The following ATP10A variants were observed in gnomAD, a reference collection of about 807,000 sequenced individuals.
ATP10A encodes the protein ATPase phospholipid transporting 10A (putative), also known as phospholipid-transporting ATPase VA.
ATP10A carries 111 observed loss-of-function variants against 147.8 expected under a neutral mutation model. The observed-to-expected ratio is 0.75, with a 90% confidence interval of 0.64 to 0.88. The LOEUF is 0.88. Among genes scored for constraint, ATP10A ranks in the 40% least tolerant of loss-of-function variants. The pLI is 0.00. For synonymous variants in ATP10A, 875 were observed against 841.6 expected (o/e 1.04, Z -0.69); for missense variants, 1,927 against 1,959.0 (o/e 0.98, Z 0.31).
intron 4 of ATP10A, among the ~76,000 whole-genome samples, chr15:25,726,510 C>T (rs752249079): frequency 4.6e-5 from 7 of 150,866 alleles, no homozygotes; most frequent in East Asian, 4.0e-4. Flanking sequence ...GGTATAAACT[C>T]GGCTCACTGC....
At chr15:25,721,604 A>G in intron 7 of ATP10A, 53 bp downstream of exon 7, 1 of 1,568,888 alleles carries the variant, frequency 6.4e-7, no homozygotes, top group Non-Finnish European at 8.7e-7. Context: ...AATTCTGGAT[A>G]GGGCAGCTTT....
At position 25,681,011 on chromosome 15, in the gene ATP10A, A is replaced by G. The variant is rs540435530; in HGVS notation, c.3556T>C (p.Phe1186Leu). The change falls in exon 18 of 21, where the codon TTT (phenylalanine) becomes CTT (leucine). Residue 1186 changes from phenylalanine (F) to leucine (L), a missense_variant. Coordinates refer to ENST00000555815, the MANE Select transcript of ATP10A (RefSeq NM_024490.4). The stretch of plus-strand genomic sequence containing the variant: ...CAACTTACCAGGTAAGGAATGGAAA[A>G]GCAAACCAGGCTCTGGAAGGCGGCG... The part of the protein sequence containing the change: ...ADAAFQSLVC[F>L]SIPYLAYYDS... 10 of 1,614,188 alleles carry G rather than the reference A, an allele frequency of 6.2e-6. No individual in the cohort carries two copies. The African/African-American group carries it at 1.3e-4, about 22-fold the overall frequency.
intron 15 of ATP10A, among the ~76,000 whole-genome samples, chr15:25,689,096 C>T: frequency 6.6e-6 from 1 of 152,330 alleles, no homozygotes; most frequent in African/African-American, 2.4e-5. Flanking sequence ...AAGAAGAAAC[C>T]CCCGCCCTTG....
intron 1 of ATP10A, among the ~76,000 whole-genome samples, chr15:25,782,222 G>C (rs1294144233): frequency 6.6e-6 from 1 of 152,206 alleles, no homozygotes; most frequent in African/African-American, 2.4e-5. Context: ...AAAATTCAGA[G>C]ACAGAAAGTG....
At chr15:25,675,977 GGGAGA>G (rs1899128955), downstream of ATP10A, among the ~76,000 whole-genome samples, 1 of 152,076 alleles carries the variant, frequency 6.6e-6, no homozygotes, top group Non-Finnish European at 1.5e-5. Context: ...GGAAAGGGGA[GGGAGA>G]GGAGGAGGGG....
intron 2 of ATP10A, among the ~76,000 whole-genome samples, chr15:25,746,370 A>G (rs1401296645): frequency 6.6e-6 from 1 of 152,244 alleles, no homozygotes; most frequent in Admixed American, 6.5e-5. Context: ...ACAAAAATTG[A>G]CAGAAACAAA....
chr15:25,759,631 T>C (rs1049919123), intron 2 of ATP10A, among the ~76,000 whole-genome samples: 1 of 151,888 alleles, frequency 6.6e-6, no homozygotes, highest in African/African-American at 2.4e-5. Context: ...TATGGTGAGT[T>C]CCTATGTCTA....
At chr15:25,852,786 C>T (rs1180945008) in intron 1 of ATP10A, among the ~76,000 whole-genome samples, 1 of 152,118 alleles carries the variant, frequency 6.6e-6, no homozygotes, top group Admixed American at 6.5e-5. Context: ...CATTTACTAC[C>T]CCTGTACAAT....
intron 1 of ATP10A, among the ~76,000 whole-genome samples, chr15:25,833,915 T>G (rs1892478064): frequency 6.6e-6 from 1 of 151,780 alleles, no homozygotes; most frequent in South Asian, 2.1e-4. Flanking sequence ...GAGCTTGCAG[T>G]GAGCCCAGAT....
intron 15 of ATP10A, among the ~76,000 whole-genome samples, chr15:25,688,757 T>C (rs1899842195): frequency 1.3e-5 from 2 of 152,162 alleles, no homozygotes; most frequent in Non-Finnish European, 1.5e-5. Context: ...AATGGAATAG[T>C]GTCATGATAC....
intron 5 of ATP10A, among the ~76,000 whole-genome samples, 176 bp downstream of exon 5, chr15:25,725,775 C>T (rs549147207): frequency 6.6e-5 from 10 of 151,942 alleles, no homozygotes; most frequent in Admixed American, 6.6e-4. Context: ...GCTGGGACTA[C>T]AGGCACATTT....
At chr15:25,694,458 AGTT>A (rs1900202143) in intron 14 of ATP10A, among the ~76,000 whole-genome samples, 1 of 152,208 alleles carries the variant, frequency 6.6e-6, no homozygotes, top group Admixed American at 6.5e-5. Context: ...GGACCTTCTA[AGTT>A]GGCCTGGGCT....
intron 2 of ATP10A, among the ~76,000 whole-genome samples, chr15:25,740,029 A>ACATGGGGG (rs1596795184): frequency 6.6e-6 from 1 of 152,128 alleles, no homozygotes. Context: ...CTCTTCAACC[A>ACATGGGGG]CATGGGGGAG....
At chr15:25,822,094 A>G (rs1459884325) in intron 1 of ATP10A, among the ~76,000 whole-genome samples, 1 of 152,168 alleles carries the variant, frequency 6.6e-6, no homozygotes, top group Non-Finnish European at 1.5e-5. Flanking sequence ...TGCTTATAAT[A>G]CCTAATACAA....
intron 4 of ATP10A, among the ~76,000 whole-genome samples, chr15:25,726,774 G>T (rs1328470293): frequency 6.6e-6 from 1 of 151,388 alleles, no homozygotes; most frequent in Non-Finnish European, 1.5e-5. Context: ...GAGGGAGGCC[G>T]GGCACGGTGA....
intron 15 of ATP10A, among the ~76,000 whole-genome samples, chr15:25,690,610 C>T (rs2140307248): frequency 6.6e-6 from 1 of 152,292 alleles, no homozygotes; most frequent in East Asian, 1.9e-4. Context: ...TCACAAATCT[C>T]CAAAAAATTT....
chr15:25,681,213 G>A, intron 17 of ATP10A, 139 bp from the exon 18 acceptor site: 2 of 773,852 alleles, frequency 2.6e-6, no homozygotes, highest in Non-Finnish European at 4.2e-6. Flanking sequence ...GTAGAGCTGG[G>A]AAAGGCCATG....
chr15:25,684,698 C>G (rs973502969), intron 16 of ATP10A, among the ~76,000 whole-genome samples: 16 of 152,164 alleles, frequency 1.1e-4, no homozygotes, highest in African/African-American at 3.9e-4. Context: ...GCAGGGAACT[C>G]TGACGCTAGA....
chr15:25,715,676 G>A (rs1901754549), intron 9 of ATP10A, among the ~76,000 whole-genome samples: 1 of 152,258 alleles, frequency 6.6e-6, no homozygotes, highest in Non-Finnish European at 1.5e-5. Context: ...CCTCAAGCCT[G>A]CTGGTCTCTG....
Sources: allele counts gnomAD v4.1 joint callset (sites outside exome capture counted in the v4.1 genomes callset), GRCh38; gene constraint gnomAD v4.1.1; transcripts MANE v1.5; gene names NCBI Gene and HGNC (gene_info 2026-07-23, HGNC 2026-07-21).